The following TCF12 variants were observed in gnomAD, a reference collection of about 807,000 sequenced individuals.
The protein encoded by TCF12 is DNA-binding protein HTF4.
Under a neutral mutation model 86.0 loss-of-function variants are expected in TCF12, and 45 were observed. That is an observed-to-expected ratio of 0.52 (90% CI 0.41 to 0.67). The LOEUF (loss-of-function observed/expected upper bound fraction) is 0.67. Ranked by LOEUF, TCF12 falls within the 30% of genes least tolerant of loss-of-function variation. The pLI, the probability that TCF12 is intolerant of heterozygous loss-of-function variation, is 0.00. For synonymous variants in TCF12, 330 were observed against 299.6 expected (o/e 1.10, Z -1.05); for missense variants, 881 against 859.9 (o/e 1.02, Z -0.31).
At chr15:56,924,245 G>C (rs1451530424) in intron 3 of TCF12, among the ~76,000 whole-genome samples, 2 of 152,020 alleles carry the variant, frequency 1.3e-5, no homozygotes, top group African/African-American at 2.4e-5. Flanking sequence ...ATCACAACTA[G>C]GTTATTGATA....
intron 3 of TCF12, among the ~76,000 whole-genome samples, chr15:56,940,170 G>T (rs1373488576): frequency 1.3e-5 from 2 of 151,732 alleles, no homozygotes; most frequent in Non-Finnish European, 2.9e-5. Flanking sequence ...TTTTAGTCCA[G>T]TTGGGCCAGG....
Position 57,074,360 on chromosome 15 carries a change from T to C in TCF12, c.222+10537T>C, listed in dbSNP as rs11855170. On this transcript the variant is annotated intron_variant, in intron 4 of 20. Coordinates refer to ENST00000333725, the MANE Select transcript of TCF12 (RefSeq NM_207037.2). ...TGAGAAATTTCATGCCCATTTTGAT[T>C]AAAAAAAAAAAAAAAAAAAAGATGT... is the stretch of plus-strand genomic sequence containing the variant. Among the ~76,000 whole-genome samples, 179 of 110,644 alleles carry C rather than the reference T, an allele frequency of 1.6e-3. 20 individuals carry two copies. Among genetic ancestry groups the C allele is most frequent in the Non-Finnish European group, 2.6e-3 (118 of 45,482 alleles). 72.6% of individuals were successfully genotyped at this position (110,644 alleles called of 152,430 possible).
At chr15:57,260,303 A>G (rs757435745) in intron 16 of TCF12, among the ~76,000 whole-genome samples, 1 of 152,172 alleles carries the variant, frequency 6.6e-6, no homozygotes, top group African/African-American at 2.4e-5. Flanking sequence ...AAAAAATCAA[A>G]TAATTATTTA....
At chr15:57,201,735 A>T (rs79447263) in intron 8 of TCF12, among the ~76,000 whole-genome samples, 5 of 152,120 alleles carry the variant, frequency 3.3e-5, no homozygotes, top group Non-Finnish European at 7.4e-5. Context: ...TTCCAAAGGC[A>T]TGGGTGGTAC....
At chr15:57,027,949 C>T (rs1246554478) in intron 3 of TCF12, among the ~76,000 whole-genome samples, 2 of 152,004 alleles carry the variant, frequency 1.3e-5, no homozygotes, top group Non-Finnish European at 2.9e-5. Context: ...AACTGTGAGT[C>T]CATTAAACCT....
chr15:57,028,031 T>G (rs147774332), intron 3 of TCF12, among the ~76,000 whole-genome samples: 491 of 152,230 alleles, frequency 3.2e-3, no homozygotes, highest in African/African-American at 0.011. Context: ...TGGTGTGGTC[T>G]TGGCTCACTG....
intron 4 of TCF12, among the ~76,000 whole-genome samples, chr15:57,066,605 T>C (rs2068895393): frequency 6.6e-6 from 1 of 152,128 alleles, no homozygotes; most frequent in South Asian, 2.1e-4. Flanking sequence ...TTGAAAATGC[T>C]TAGTAGGCCA....
chr15:56,948,266 A>G (rs1421054960), intron 3 of TCF12, among the ~76,000 whole-genome samples: 1 of 152,006 alleles, frequency 6.6e-6, no homozygotes, highest in East Asian at 1.9e-4. Context: ...GCACCTGAAA[A>G]TGCTTTTTAA....
intron 8 of TCF12, among the ~76,000 whole-genome samples, chr15:57,228,886 T>A (rs2059006031): frequency 6.6e-6 from 1 of 151,998 alleles, no homozygotes; most frequent in African/African-American, 2.4e-5. Context: ...CTGGAGTGTT[T>A]TCATAATTAT....
chr15:57,223,876 G>A (rs1827764696), intron 8 of TCF12, among the ~76,000 whole-genome samples: 2 of 151,564 alleles, frequency 1.3e-5, no homozygotes, highest in African/African-American at 2.4e-5. Flanking sequence ...CTGTCCATGG[G>A]CCCAAAAGAG....
At chr15:57,063,706 A>G in intron 3 of TCF12, 44 bp from the exon 4 acceptor site, 2 of 1,550,968 alleles carry the variant, frequency 1.3e-6, no homozygotes, top group Non-Finnish European at 8.8e-7. Flanking sequence ...AAAATCCACA[A>G]AAGTATGTTT....
At chr15:56,948,634 A>G (rs1300149263) in intron 3 of TCF12, among the ~76,000 whole-genome samples, 2 of 152,232 alleles carry the variant, frequency 1.3e-5, no homozygotes, top group African/African-American at 4.8e-5. Context: ...AGTGATCTCA[A>G]TGGCGCAATC....
intron 5 of TCF12, among the ~76,000 whole-genome samples, chr15:57,137,799 C>T (rs999006599): frequency 6.6e-6 from 1 of 152,146 alleles, no homozygotes; most frequent in Admixed American, 6.5e-5. Context: ...GAGGCCAAGG[C>T]TGGCGGATCA....
intron 5 of TCF12, among the ~76,000 whole-genome samples, chr15:57,163,644 A>G (rs2054653143): frequency 1.3e-5 from 2 of 152,236 alleles, no homozygotes; most frequent in Admixed American, 6.5e-5. Context: ...TGGAGGCTGC[A>G]GTGAGCTGTA....
At chr15:57,200,465 A>G (rs565754055) in intron 8 of TCF12, among the ~76,000 whole-genome samples, 8 of 152,258 alleles carry the variant, frequency 5.3e-5, no homozygotes, top group Admixed American at 2.0e-4. Flanking sequence ...AAAATTGACT[A>G]TGTATATTTT....
chr15:57,192,041 G>A, intron 6 of TCF12, 117 bp from the exon 7 acceptor site: 1 of 1,120,046 alleles, frequency 8.9e-7, no homozygotes, highest in Non-Finnish European at 1.3e-6. Flanking sequence ...GTACTTAATG[G>A]GTGCGTTCTA....
chr15:56,939,921 C>G (rs2060649058), intron 3 of TCF12, among the ~76,000 whole-genome samples: 1 of 150,268 alleles, frequency 6.7e-6, no homozygotes, highest in South Asian at 2.1e-4. Flanking sequence ...GAACCACAGT[C>G]AGCTCTAGCT....
At chr15:57,208,126 C>T (rs971304099) in intron 8 of TCF12, among the ~76,000 whole-genome samples, 11 of 150,498 alleles carry the variant, frequency 7.3e-5, no homozygotes, top group African/African-American at 2.4e-4. Context: ...TTCCACCTCC[C>T]GGGTTCAAGC....
At position 57,282,291 on chromosome 15, in the gene TCF12, C is replaced by G. The variant is rs2061726175; in HGVS notation, c.1979-154C>G. On this transcript the variant is annotated intron_variant, in intron 19 of 20. Transcript: ENST00000333725. ...GAAGTATAAATCTGGAGGCTCAGTT[C>G]AATGCTGAGGTTTTATGTGAGCACA... 3.6e-6 allele frequency: 3 copies of G among 823,222 alleles called. No individual in the cohort carries two copies. In the African/African-American group the frequency reaches 5.2e-5, roughly 14 times the overall value. The allele number at this position is 823,222 out of a possible 1,614,324, so 51.0% of individuals were successfully genotyped here. A position where few individuals can be genotyped will look rare whatever the true frequency, so the allele number is the denominator to read the frequency against.
Sources: gnomAD v4.1 joint callset for allele counts (sites outside exome capture counted in the v4.1 genomes callset) on GRCh38, gnomAD v4.1.1 for gene constraint, MANE v1.5 for transcripts, NCBI Gene and HGNC (gene_info 2026-07-23, HGNC 2026-07-21) for gene names.